The following HPSE2 variants were observed in gnomAD, a reference collection of about 807,000 sequenced individuals.
HPSE2 encodes the protein heparanase 2 (inactive), also known as inactive heparanase-2.
HPSE2 carries 38 observed loss-of-function variants against 60.5 expected under a neutral mutation model. The ratio of observed to expected loss-of-function variants is 0.63; its 90% CI spans 0.48 to 0.82. The LOEUF (loss-of-function observed/expected upper bound fraction) is 0.82, where lower values mean the gene tolerates loss of function less well. Ranked by LOEUF, HPSE2 falls within the 40% of genes least tolerant of loss-of-function variation. The probability of loss-of-function intolerance (pLI) is 0.00; values close to 1 mark genes in which losing one functional copy is unlikely to be tolerated. For synonymous variants in HPSE2, 295 were observed against 293.2 expected (o/e 1.01, Z -0.06); for missense variants, 713 against 740.4 (o/e 0.96, Z 0.43).
chr10:99,049,014 TGG>T, intron 3 of HPSE2, among the ~76,000 whole-genome samples: 1 of 152,240 alleles, frequency 6.6e-6, no homozygotes. Context: ...CACTTATAAG[TGG>T]GAGCTAAACA....
chr10:98,936,603 T>C (rs1239206857), intron 3 of HPSE2, among the ~76,000 whole-genome samples: 1 of 143,488 alleles, frequency 7.0e-6, no homozygotes, highest in East Asian at 2.0e-4. Flanking sequence ...CTCTTCCCTA[T>C]GAGAGCTTTT....
chr10:98,840,346 GT>G (rs1951881474), intron 3 of HPSE2, among the ~76,000 whole-genome samples: 1 of 152,192 alleles, frequency 6.6e-6, no homozygotes, highest in South Asian at 2.1e-4. Context: ...ATCCGTAGAT[GT>G]TAAAAAGTTT....
At chr10:98,776,483 G>A (rs553632058) in intron 3 of HPSE2, among the ~76,000 whole-genome samples, 8 of 151,902 alleles carry the variant, frequency 5.3e-5, no homozygotes, top group Non-Finnish European at 7.4e-5. Context: ...ATAATAAACA[G>A]TATATCTACA....
intron 3 of HPSE2, among the ~76,000 whole-genome samples, chr10:99,094,540 ATTTTTTTTTTTTTTT>A (rs531721304): frequency 7.9e-4 from 21 of 26,606 alleles, no homozygotes; most frequent in South Asian, 1.9e-3. Context: ...ATATATATAT[ATTTTTTTTTTTTTTT>A]TTTTTTTTTT....
intron 3 of HPSE2, among the ~76,000 whole-genome samples, chr10:98,751,646 G>A (rs1949761442): frequency 6.6e-6 from 1 of 152,172 alleles, no homozygotes. Context: ...GTGAGCATGT[G>A]AGAATATGGA....
chr10:98,999,796 G>A (rs568430125), intron 3 of HPSE2, among the ~76,000 whole-genome samples: 108 of 152,238 alleles, frequency 7.1e-4, no homozygotes, highest in African/African-American at 2.6e-3. Context: ...GATAGGCCTG[G>A]ACAAAATCAT....
At chr10:98,766,757 T>G (rs1950127694) in intron 3 of HPSE2, among the ~76,000 whole-genome samples, 1 of 151,992 alleles carries the variant, frequency 6.6e-6, no homozygotes, top group South Asian at 2.1e-4. Flanking sequence ...AAACCCAATC[T>G]CTACTAAAAA....
At chr10:99,000,237 G>C (rs1405476277) in intron 3 of HPSE2, among the ~76,000 whole-genome samples, 2 of 152,104 alleles carry the variant, frequency 1.3e-5, no homozygotes, top group Non-Finnish European at 1.5e-5. Context: ...CTTGATGATA[G>C]TGGGATCATT....
intron 3 of HPSE2, among the ~76,000 whole-genome samples, chr10:98,853,737 C>T (rs1302505576): frequency 2.0e-5 from 3 of 152,152 alleles, no homozygotes; most frequent in Non-Finnish European, 4.4e-5. Context: ...ATGTATGATG[C>T]TAAGCCACAA....
intron 3 of HPSE2, among the ~76,000 whole-genome samples, chr10:98,849,831 G>A (rs757359820): frequency 2.0e-5 from 3 of 151,810 alleles, no homozygotes; most frequent in African/African-American, 4.8e-5. Flanking sequence ...TGCAACCTCC[G>A]CCTCCCAGGT....
the HPSE2 span, among the ~76,000 whole-genome samples, chr10:99,245,015 G>T: frequency 6.6e-6 from 1 of 151,976 alleles, no homozygotes; most frequent in African/African-American, 2.4e-5. Context: ...ATTATCTAGA[G>T]ATATTGACAT....
intron 3 of HPSE2, among the ~76,000 whole-genome samples, chr10:99,067,719 T>C (rs1454303782): frequency 6.6e-6 from 1 of 152,178 alleles, no homozygotes; most frequent in Non-Finnish European, 1.5e-5. Context: ...CTCTGGGCCT[T>C]TGATGGGAGG....
At chr10:98,813,747 T>C (rs570898269) in intron 3 of HPSE2, among the ~76,000 whole-genome samples, 1 of 152,310 alleles carries the variant, frequency 6.6e-6, no homozygotes, top group African/African-American at 2.4e-5. Context: ...TATTTTGGAT[T>C]AACAAATGGT....
intron 4 of HPSE2, among the ~76,000 whole-genome samples, chr10:98,727,334 C>T (rs1234472196): frequency 6.6e-6 from 1 of 152,096 alleles, no homozygotes; most frequent in African/African-American, 2.4e-5. Context: ...ACTTGGCAGT[C>T]AAAGACTTAT....
intron 3 of HPSE2, among the ~76,000 whole-genome samples, chr10:98,953,586 C>T (rs573697410): frequency 4.7e-4 from 72 of 152,146 alleles, no homozygotes; most frequent in African/African-American, 1.5e-3. Flanking sequence ...TCAGAGTACA[C>T]GCTCCACATT....
At chr10:98,732,448 G>A (rs548414349) in intron 4 of HPSE2, among the ~76,000 whole-genome samples, 7 of 152,026 alleles carry the variant, frequency 4.6e-5, no homozygotes, top group South Asian at 2.1e-4. Flanking sequence ...ACAGATCAGC[G>A]GAACAGAATT....
chr10:99,074,850 T>C (rs1461666416), intron 3 of HPSE2, among the ~76,000 whole-genome samples: 1 of 152,190 alleles, frequency 6.6e-6, no homozygotes, highest in African/African-American at 2.4e-5. Context: ...TAATTGTTCA[T>C]AGTAGTCTCT....
At chr10:98,729,342 G>C (rs1949170619) in intron 4 of HPSE2, among the ~76,000 whole-genome samples, 1 of 152,118 alleles carries the variant, frequency 6.6e-6, no homozygotes, top group Non-Finnish European at 1.5e-5. Context: ...CAGCATGGTG[G>C]CTCACACCTG....
chr10:98,849,080 T>A (rs548945245), intron 3 of HPSE2, among the ~76,000 whole-genome samples: 18 of 151,402 alleles, frequency 1.2e-4, no homozygotes, highest in African/African-American at 4.1e-4. Context: ...GGGCAGTGAG[T>A]TACTATGTCC....
Sources: gnomAD v4.1 joint callset for allele counts (sites outside exome capture counted in the v4.1 genomes callset) on GRCh38, gnomAD v4.1.1 for gene constraint, MANE v1.5 for transcripts, NCBI Gene and HGNC (gene_info 2026-07-23, HGNC 2026-07-21) for gene names.